Variants in RARB observed in about 807,000 individuals in gnomAD.
RARB encodes the protein retinoic acid receptor beta.
RARB carries 17 observed loss-of-function variants against 51.9 expected under a neutral mutation model. The ratio of observed to expected loss-of-function variants is 0.33; its 90% CI spans 0.22 to 0.49. RARB has a LOEUF of 0.49. Ranked by LOEUF, RARB falls within the 20% of genes least tolerant of loss-of-function variation. The pLI, the probability that RARB is intolerant of heterozygous loss-of-function variation, is 0.99. For synonymous variants in RARB, 215 were observed against 195.4 expected (o/e 1.10, Z -0.84); for missense variants, 369 against 550.8 (o/e 0.67, Z 3.30).
At chr3:25,589,265 A>C (rs568292950) in intron 5 of RARB, among the ~76,000 whole-genome samples, 1 of 152,206 alleles carries the variant, frequency 6.6e-6, no homozygotes, top group Non-Finnish European at 1.5e-5. Flanking sequence ...TTGCCTCAGC[A>C]GTGAGTCATC....
rs1700639466 is a variant in RARB at position 25,569,830 on chromosome 3, C to T, written c.521C>T (p.Thr174Ile). The change falls in exon 4 of 8, where the codon ACA becomes ATA. Residue 174 changes from threonine to isoleucine, a missense_variant. Around this residue, in one of 9 missense-constraint regions of RARB, gnomAD observed 46 missense variants for 43.2 expected, o/e 1.07. Transcript: ENST00000330688. ...KQECTESYEM[T>I]AELDDLTEKI... is the part of the protein sequence containing the mutation. ...GAATGCACAGAGAGCTATGAAATGA[C>T]AGCTGAGTTGGACGATCTCACAGAG... 1.2e-6 allele frequency: 2 copies of T among 1,614,204 alleles called. No homozygotes were observed. Among genetic ancestry groups the T allele is most frequent in the Non-Finnish European group, 1.7e-6 (2 of 1,180,006 alleles).
intron 5 of RARB, among the ~76,000 whole-genome samples, chr3:25,278,944 G>A (rs779587598): frequency 9.9e-5 from 15 of 152,158 alleles, no homozygotes; most frequent in Non-Finnish European, 1.5e-4. Flanking sequence ...TGTAAGCACA[G>A]CACCAACATA....
intron 2 of RARB, among the ~76,000 whole-genome samples, chr3:24,875,540 CCTGT>C (rs1295454294): frequency 3.3e-5 from 5 of 151,978 alleles, no homozygotes; most frequent in African/African-American, 1.2e-4. Flanking sequence ...ATGGTACTGC[CCTGT>C]CTAATGTAAG....
intron 4 of RARB, among the ~76,000 whole-genome samples, chr3:25,144,646 G>T (rs1280419453): frequency 2.0e-5 from 3 of 152,184 alleles, no homozygotes; most frequent in African/African-American, 7.2e-5. Flanking sequence ...TATTTGGATT[G>T]ATGTTAACAT....
At chr3:25,189,868 G>A (rs1701055824) in intron 5 of RARB, among the ~76,000 whole-genome samples, 1 of 152,108 alleles carries the variant, frequency 6.6e-6, no homozygotes, top group Non-Finnish European at 1.5e-5. Flanking sequence ...CTGGATGGCA[G>A]AATGACATTC....
At chr3:24,892,492 C>T (rs1229986445) in intron 2 of RARB, among the ~76,000 whole-genome samples, 1 of 152,160 alleles carries the variant, frequency 6.6e-6, no homozygotes, top group Non-Finnish European at 1.5e-5. Context: ...TTCAACTTAG[C>T]ACTGCATTAA....
intron 2 of RARB, among the ~76,000 whole-genome samples, chr3:24,963,420 G>C (rs201924193): frequency 2.1e-5 from 2 of 95,906 alleles, no homozygotes; most frequent in East Asian, 4.7e-4. Context: ...TCCCATCCTT[G>C]TTGTCACGCT....
At chr3:25,022,215 G>T (rs1228644904) in intron 2 of RARB, among the ~76,000 whole-genome samples, 1 of 152,190 alleles carries the variant, frequency 6.6e-6, no homozygotes, top group Non-Finnish European at 1.5e-5. Context: ...AACGTGACCA[G>T]CATCTCAGAA....
At chr3:25,478,906 C>G (rs1056899962) in intron 2 of RARB, among the ~76,000 whole-genome samples, 1 of 152,172 alleles carries the variant, frequency 6.6e-6, no homozygotes, top group African/African-American at 2.4e-5. Context: ...CCAGTCCTTG[C>G]GTTTTCAGGG....
At chr3:24,945,265 GGA>G (rs1327705100) in intron 2 of RARB, among the ~76,000 whole-genome samples, 2 of 152,112 alleles carry the variant, frequency 1.3e-5, no homozygotes, top group African/African-American at 4.8e-5. Flanking sequence ...TCAAGATTTG[GGA>G]GAGAGCCATA....
At chr3:25,230,546 T>A (rs1702152514) in intron 5 of RARB, among the ~76,000 whole-genome samples, 1 of 152,032 alleles carries the variant, frequency 6.6e-6, no homozygotes, top group South Asian at 2.1e-4. Flanking sequence ...TTCCCACTGA[T>A]CAGTTTCTAA....
intron 5 of RARB, among the ~76,000 whole-genome samples, chr3:25,358,043 A>C (rs947345854): frequency 6.6e-6 from 1 of 152,198 alleles, no homozygotes; most frequent in African/African-American, 2.4e-5. Flanking sequence ...AATTATGTGA[A>C]GAAAGTCAAT....
chr3:24,943,208 A>T (rs906421706), intron 2 of RARB, among the ~76,000 whole-genome samples: 6 of 152,170 alleles, frequency 3.9e-5, no homozygotes, highest in African/African-American at 1.4e-4. Context: ...GTTTAGGGGG[A>T]GAAATAATAA....
At chr3:25,246,564 ATCAG>A (rs1170414111) in intron 5 of RARB, among the ~76,000 whole-genome samples, 1 of 151,886 alleles carries the variant, frequency 6.6e-6, no homozygotes, top group Non-Finnish European at 1.5e-5. Flanking sequence ...TTTTCCTTCT[ATCAG>A]TCAGGCCCCT....
At chr3:25,330,621 C>T (rs1475183200) in intron 5 of RARB, among the ~76,000 whole-genome samples, 1 of 152,136 alleles carries the variant, frequency 6.6e-6, no homozygotes, top group African/African-American at 2.4e-5. Context: ...AGCAAAACAA[C>T]CAGCTAACAT....
chr3:25,111,683 A>C (rs763628767), intron 3 of RARB, among the ~76,000 whole-genome samples: 2 of 150,400 alleles, frequency 1.3e-5, no homozygotes, highest in Admixed American at 6.7e-5. Flanking sequence ...GGTTCAAGCA[A>C]TTCTCCTGCC....
In RARB at chr3:25,487,932, C is replaced by T. The variant is rs567291019; in HGVS notation, c.307-13250C>T. 2.0e-5 allele frequency among the ~76,000 whole-genome samples: 3 copies of T among 152,304 alleles called. No homozygotes were observed. In the East Asian group the frequency reaches 5.8e-4, roughly 29 times the overall value. The stretch of plus-strand genomic sequence containing the variant: ...ATTAATACATGAAGCTTTATATCTT[C>T]CCTCTATAGATATGTTAAATCTCAA... On this transcript the variant is annotated intron_variant, in intron 2 of 7. Transcript: ENST00000330688.
chr3:25,508,895 A>T (rs1035413346), intron 3 of RARB, among the ~76,000 whole-genome samples: 15 of 60,224 alleles, frequency 2.5e-4, no homozygotes, highest in Non-Finnish European at 3.3e-4. Flanking sequence ...TAGGAGATTT[A>T]AAAAAAAAAA....
chr3:24,909,032 A>AT (rs1559391931), intron 2 of RARB, among the ~76,000 whole-genome samples: 1 of 152,182 alleles, frequency 6.6e-6, no homozygotes, highest in Non-Finnish European at 1.5e-5. Context: ...TATATAACAC[A>AT]TTAGAAATGT....
Sources: gnomAD v4.1 joint callset for allele counts (sites outside exome capture counted in the v4.1 genomes callset) on GRCh38, gnomAD v4.1.1 for gene constraint, gnomAD v4.1.1 regional missense constraint, MANE v1.5 for transcripts, NCBI Gene and HGNC (gene_info 2026-07-23, HGNC 2026-07-21) for gene names.